Variants in SCRG1 observed in about 807,000 individuals in gnomAD.
SCRG1 encodes the protein scrapie-responsive protein 1.
In SCRG1, 3 loss-of-function variants were observed where a neutral mutation model predicts 7.7. The observed-to-expected ratio is 0.39, with a 90% confidence interval of 0.18 to 1.01. The LOEUF (loss-of-function observed/expected upper bound fraction) is 1.01. Among genes scored for constraint, SCRG1 ranks in the 50% least tolerant of loss-of-function variants. The probability of loss-of-function intolerance (pLI) is 0.36; values close to 1 mark genes in which losing one functional copy is unlikely to be tolerated. For synonymous variants in SCRG1, 46 were observed against 41.2 expected (o/e 1.12, Z -0.44); for missense variants, 110 against 117.2 (o/e 0.94, Z 0.28).
upstream of SCRG1, among the ~76,000 whole-genome samples, chr4:173,411,062 G>T (rs1456515908): frequency 1.3e-5 from 2 of 152,134 alleles, no homozygotes; most frequent in African/African-American, 4.8e-5. Context: ...TTCCTCCTTA[G>T]CTCCATCTAT....
chr4:173,412,065 A>G, the SCRG1 span, among the ~76,000 whole-genome samples: 1 of 152,180 alleles, frequency 6.6e-6, no homozygotes, highest in African/African-American at 2.4e-5. Flanking sequence ...CTGAGCAGCA[A>G]GTAGGCACTG....
At chr4:173,426,202 C>G in the SCRG1 span, among the ~76,000 whole-genome samples, 1 of 152,214 alleles carries the variant, frequency 6.6e-6, no homozygotes, top group Non-Finnish European at 1.5e-5. Flanking sequence ...ACCTTGCAGC[C>G]CTGTTTGGTA....
the SCRG1 span, among the ~76,000 whole-genome samples, chr4:173,489,212 T>C: frequency 2.0e-5 from 3 of 152,214 alleles, no homozygotes; most frequent in Non-Finnish European, 4.4e-5. Flanking sequence ...AATAATCAAG[T>C]TATGTTTCTG....
chr4:173,458,470 A>G, the SCRG1 span, among the ~76,000 whole-genome samples: 1 of 152,220 alleles, frequency 6.6e-6, no homozygotes. Flanking sequence ...AACAAGCAAA[A>G]GCTGAAGGAA....
chr4:173,404,190 T>C (rs1739839409), exon 3 of SCRG1: 1 of 152,196 alleles, frequency 6.6e-6, no homozygotes, highest in South Asian at 2.1e-4. Flanking sequence ...ACTGTGCTCT[T>C]AGCCTGCTGC....
chr4:173,397,949 T>C (rs1739651052), intron 1 of SCRG1, among the ~76,000 whole-genome samples: 2 of 152,360 alleles, frequency 1.3e-5, no homozygotes, highest in Admixed American at 6.5e-5. Flanking sequence ...AGCCCAGAAC[T>C]TGACATTTGA....
the SCRG1 span, among the ~76,000 whole-genome samples, chr4:173,482,194 G>C: frequency 6.6e-6 from 1 of 152,168 alleles, no homozygotes; most frequent in South Asian, 2.1e-4. Flanking sequence ...AATGATATAG[G>C]CCACACTTAT....
the SCRG1 span, among the ~76,000 whole-genome samples, chr4:173,462,660 T>C: frequency 2.0e-5 from 3 of 152,048 alleles, no homozygotes; most frequent in Non-Finnish European, 4.4e-5. Context: ...ACACAGAATA[T>C]TATAACACTG....
chr4:173,492,585 AG>A, the SCRG1 span, among the ~76,000 whole-genome samples: 1 of 152,200 alleles, frequency 6.6e-6, no homozygotes, highest in African/African-American at 2.4e-5. Flanking sequence ...GGGATTTAGT[AG>A]GAGGTATGAA....
intron 1 of SCRG1, among the ~76,000 whole-genome samples, chr4:173,391,867 G>A (rs1177826097): frequency 6.6e-6 from 1 of 152,184 alleles, no homozygotes; most frequent in Non-Finnish European, 1.5e-5. Flanking sequence ...AACCATGATT[G>A]TGCCACTGCT....
the SCRG1 span, among the ~76,000 whole-genome samples, chr4:173,490,128 C>T: frequency 5.5e-4 from 83 of 152,198 alleles, no homozygotes; most frequent in South Asian, 7.3e-3. Flanking sequence ...AAATTGTCCA[C>T]GCCAAATTTT....
the SCRG1 span, among the ~76,000 whole-genome samples, chr4:173,440,936 C>G: frequency 0.024 from 3,594 of 152,208 alleles, 132 homozygotes; most frequent in African/African-American, 0.078. Flanking sequence ...ACCAGTCGTA[C>G]TGAATTTGGT....
chr4:173,466,269 A>T, the SCRG1 span, among the ~76,000 whole-genome samples: 1 of 152,182 alleles, frequency 6.6e-6, no homozygotes, highest in South Asian at 2.1e-4. Flanking sequence ...CATTTGTCAA[A>T]TTAATCATGA....
At chr4:173,466,400 A>T in the SCRG1 span, among the ~76,000 whole-genome samples, 2 of 152,194 alleles carry the variant, frequency 1.3e-5, no homozygotes, top group Non-Finnish European at 2.9e-5. Flanking sequence ...TGAGAGTCCA[A>T]GTCCTTTCAT....
At chr4:173,478,502 T>C in the SCRG1 span, among the ~76,000 whole-genome samples, 7,295 of 152,250 alleles carry the variant, frequency 0.048, 598 homozygotes, top group African/African-American at 0.16. Context: ...CCTATAAGAC[T>C]TCTGAATATT....
At chr4:173,409,746 A>G (rs1406803507), upstream of SCRG1, among the ~76,000 whole-genome samples, 1 of 151,778 alleles carries the variant, frequency 6.6e-6, no homozygotes, top group African/African-American at 2.4e-5. Context: ...ACACCACTGC[A>G]CCCAGCTAAT....
At chr4:173,478,780 A>G in the SCRG1 span, among the ~76,000 whole-genome samples, 3 of 152,210 alleles carry the variant, frequency 2.0e-5, no homozygotes, top group Non-Finnish European at 4.4e-5. Context: ...AAGATGACGA[A>G]AGGAAAATGA....
At chr4:173,466,715 G>A in the SCRG1 span, among the ~76,000 whole-genome samples, 1 of 152,140 alleles carries the variant, frequency 6.6e-6, no homozygotes, top group African/African-American at 2.4e-5. Context: ...TGACATTTCA[G>A]CATTCAGCCA....
the SCRG1 span, among the ~76,000 whole-genome samples, chr4:173,483,656 AT>A: frequency 4.5e-4 from 9 of 19,814 alleles, no homozygotes; most frequent in South Asian, 3.3e-3. Context: ...GATATATTAT[AT>A]TGTGATATAT....
Sources: allele counts gnomAD v4.1 joint callset (sites outside exome capture counted in the v4.1 genomes callset), GRCh38; gene constraint gnomAD v4.1.1; transcripts MANE v1.5; gene names NCBI Gene and HGNC (gene_info 2026-07-23, HGNC 2026-07-21).